The following PLA2G7 variants were observed in gnomAD, a reference collection of about 807,000 sequenced individuals.
PLA2G7 encodes the protein phospholipase A2 group VII.
A neutral mutation model predicts 49.6 loss-of-function variants in PLA2G7; 63 were observed. That is an observed-to-expected ratio of 1.27 (90% CI 1.04 to 1.57). PLA2G7 has a LOEUF of 1.57. Among genes scored for constraint, PLA2G7 ranks in the 40% most tolerant of loss-of-function variants. The probability of loss-of-function intolerance (pLI) is 0.00; values close to 1 mark genes in which losing one functional copy is unlikely to be tolerated. For synonymous variants in PLA2G7, 193 were observed against 169.9 expected (o/e 1.14, Z -1.06); for missense variants, 596 against 521.2 (o/e 1.14, Z -1.40).
intron 1 of PLA2G7, among the ~76,000 whole-genome samples, chr6:46,729,235 T>C (rs1209569605): frequency 6.6e-6 from 1 of 152,114 alleles, no homozygotes; most frequent in African/African-American, 2.4e-5. Context: ...AGTATTAAAC[T>C]GACATATATG....
intron 1 of PLA2G7, among the ~76,000 whole-genome samples, chr6:46,727,271 C>G (rs1765604195): frequency 1.3e-5 from 2 of 152,156 alleles, no homozygotes; most frequent in Admixed American, 6.5e-5. Context: ...CATCATTTCC[C>G]TTTTCGAAAC....
Position 46,716,981 on chromosome 6 carries a change from A to C in PLA2G7, c.225T>G (p.Thr75=). ...VGCTDLMFDH[T]NKGTFLRLYY... Reference sequence around the variant, plus strand: ...GTATAAATCAAAGCATTACCTTATTAGTGTGATCAAACATTAAGTCTGTAC... The same window carrying C: ...GTATAAATCAAAGCATTACCTTATTCGTGTGATCAAACATTAAGTCTGTAC... Residue 75 remains threonine (T), a synonymous_variant, in exon 3 of 12, where the codon ACT becomes ACG. Transcript: ENST00000274793. 6.2e-7 allele frequency: 1 copy of C among 1,613,318 alleles called. No homozygotes were observed. The highest frequency in any genetic ancestry group is 1.3e-5 in the African/African-American group (1 of 75,042).
chr6:46,714,071 T>C (rs1489341282), intron 5 of PLA2G7, among the ~76,000 whole-genome samples: 1 of 152,234 alleles, frequency 6.6e-6, no homozygotes, highest in Non-Finnish European at 1.5e-5. Flanking sequence ...TCTCCCCATC[T>C]TTTCCTGCTC....
intron 1 of PLA2G7, among the ~76,000 whole-genome samples, chr6:46,727,281 C>G (rs192286413): frequency 6.6e-6 from 1 of 152,166 alleles, no homozygotes; most frequent in Non-Finnish European, 1.5e-5. Context: ...CTTTTCGAAA[C>G]AAAAGACAAC....
chr6:46,704,484 A>T lies in PLA2G7; in HGVS notation c.*76T>A, dbSNP rs3997235. 2.4e-3 allele frequency: 496 copies of T among 210,682 alleles called. 3 individuals carry two copies. Among genetic ancestry groups the T allele is most frequent in the African/African-American group, 0.022 (353 of 16,220 alleles). 13.1% of individuals were successfully genotyped at this position (210,682 alleles called of 1,614,324 possible). A position where few individuals can be genotyped will look rare whatever the true frequency, so the allele number is the denominator to read the frequency against. Reference sequence around the variant, plus strand: ...CTCTCTCTCTCTCTCTCTCTCACACACACACACACACACACACACACACAC... The same window carrying T: ...CTCTCTCTCTCTCTCTCTCTCACACTCACACACACACACACACACACACAC... On this transcript the variant is annotated 3_prime_UTR_variant, in exon 12 of 12. Coordinates refer to ENST00000274793, the MANE Select transcript of PLA2G7 (RefSeq NM_005084.4).
At chr6:46,729,926 C>A (rs993645104) in intron 1 of PLA2G7, among the ~76,000 whole-genome samples, 1 of 152,194 alleles carries the variant, frequency 6.6e-6, no homozygotes, top group African/African-American at 2.4e-5. Flanking sequence ...AACAATCTAA[C>A]TGGAAAATAA....
chr6:46,718,187 T>C (rs2150703281), intron 2 of PLA2G7, among the ~76,000 whole-genome samples: 1 of 152,342 alleles, frequency 6.6e-6, no homozygotes, highest in South Asian at 2.1e-4. Context: ...AAATGCATCC[T>C]TTACACAGCT....
At position 46,722,808 on chromosome 6, in the gene PLA2G7, A is replaced by C; in HGVS notation, c.84T>G (p.Asn28Lys). The change falls in exon 2 of 12, where the codon AAT becomes AAG. Residue 28 changes from asparagine (N) to lysine (K), a missense_variant. Asn to Lys is a moderately conservative substitution (Grantham distance 94). Transcript: ENST00000274793. ...VVYPFDWQYI[N>K]PVAHMKSSAW... is the part of the protein sequence containing the mutation. ...CTGATGATTTCATATGGGCAACAGGATTTATGTATTGCCAGTCAAAAGGAT... is the reference window on the plus strand; with the variant it reads ...CTGATGATTTCATATGGGCAACAGGCTTTATGTATTGCCAGTCAAAAGGAT... 6.2e-7 allele frequency: 1 copy of C among 1,609,912 alleles called. No homozygotes were observed. The highest frequency in any genetic ancestry group is 8.5e-7 in the Non-Finnish European group (1 of 1,176,196).
In PLA2G7 at chr6:46,704,330, T is replaced by A. The variant is rs200357212; in HGVS notation, c.*230A>T. 1 of 521,168 alleles carries A rather than the reference T, an allele frequency of 1.9e-6. No individual in the cohort carries two copies. Among genetic ancestry groups the A allele is most frequent in the Non-Finnish European group, 3.5e-6 (1 of 289,176 alleles). 32.3% of individuals were successfully genotyped at this position (521,168 alleles called of 1,614,324 possible). On this transcript the variant is annotated 3_prime_UTR_variant, in exon 12 of 12. Coordinates refer to ENST00000274793, the MANE Select transcript of PLA2G7 (RefSeq NM_005084.4). ...TTAGGCTGATATGAATATTGTATACTGTATTCTTTCTTTACATCTAAAGGG... is the reference window on the plus strand; with the variant it reads ...TTAGGCTGATATGAATATTGTATACAGTATTCTTTCTTTACATCTAAAGGG...
At chr6:46,726,448 C>A (rs1275499789) in intron 1 of PLA2G7, among the ~76,000 whole-genome samples, 1 of 152,078 alleles carries the variant, frequency 6.6e-6, no homozygotes, top group Admixed American at 6.6e-5. Context: ...TTTTTCTCAA[C>A]CATGGGATAT....
intron 11 of PLA2G7, 67 bp downstream of exon 11, chr6:46,705,086 G>T: frequency 8.9e-7 from 1 of 1,126,364 alleles, no homozygotes; most frequent in Non-Finnish European, 1.4e-6. Context: ...TACTAAAGCT[G>T]TATTAAGATA....
intron 10 of PLA2G7, among the ~76,000 whole-genome samples, chr6:46,707,713 A>T (rs1362302973): frequency 6.6e-6 from 1 of 152,100 alleles, no homozygotes; most frequent in Non-Finnish European, 1.5e-5. Context: ...AGCCAATGAA[A>T]CCTCTTTTCT....
intron 5 of PLA2G7, among the ~76,000 whole-genome samples, chr6:46,714,142 G>C (rs956731423): frequency 2.0e-5 from 3 of 152,078 alleles, no homozygotes; most frequent in African/African-American, 7.2e-5. Flanking sequence ...ATCTAAAATT[G>C]GTTTCTCAAA....
rs75611996 is a variant in PLA2G7, at chr6:46,722,005, G to C, written c.109+778C>G. On this transcript the variant is annotated intron_variant, in intron 2 of 11. Transcript: ENST00000274793. ...ACTGCTCTCCATAGGAGACTGGAAAGAGAAGTTTATGCATCACAATCCTCT... is the reference window on the plus strand; with the variant it reads ...ACTGCTCTCCATAGGAGACTGGAAACAGAAGTTTATGCATCACAATCCTCT... 3.1e-3 allele frequency among the ~76,000 whole-genome samples: 472 copies of C among 152,260 alleles called. 2 individuals carry two copies. Among genetic ancestry groups the C allele is most frequent in the African/African-American group, 0.011 (446 of 41,538 alleles).
rs759730924 is a variant in PLA2G7 at position 46,722,799 on chromosome 6, G to A, written c.93C>T (p.Ala31=). The A allele has an allele frequency of 6.2e-7, 1 of 1,605,214 alleles. No homozygotes were observed. The change falls in exon 2 of 12, where the codon GCC becomes GCT. Residue 31 remains alanine (A), a synonymous_variant. Transcript: ENST00000274793. ...PFDWQYINPV[A]HMKSSAWVNK... is the part of the protein sequence containing the mutation. ...ACCTCTTACCTGATGATTTCATATG[G>A]GCAACAGGATTTATGTATTGCCAGT...
chr6:46,709,666 T>C (rs572548081), intron 8 of PLA2G7, among the ~76,000 whole-genome samples: 1 of 152,332 alleles, frequency 6.6e-6, no homozygotes, highest in Non-Finnish European at 1.5e-5. Flanking sequence ...TTAATGTTCT[T>C]TGTAGTCACC....
intron 1 of PLA2G7, among the ~76,000 whole-genome samples, chr6:46,725,686 T>C (rs1765549729): frequency 6.6e-6 from 1 of 152,206 alleles, no homozygotes; most frequent in South Asian, 2.1e-4. Flanking sequence ...TTAATTATAT[T>C]ATAAAGTTAA....
Position 46,733,796 on chromosome 6 carries a change from T to G in PLA2G7, c.-35+1384A>C, listed in dbSNP as rs45472697. Among the ~76,000 whole-genome samples the G allele has an allele frequency of 1.7e-3, 255 of 152,306 alleles. 1 individual carries two copies. Among genetic ancestry groups the G allele is most frequent in the African/African-American group, 5.8e-3 (241 of 41,566 alleles). On this transcript the variant is annotated intron_variant, in intron 1 of 11. Coordinates refer to ENST00000274793, the MANE Select transcript of PLA2G7 (RefSeq NM_005084.4). The stretch of plus-strand genomic sequence containing the variant: ...AATGCTCAGATCTCTGAATTCAATG[T>G]AAGCTCAAGGTTTCGTGCTGAGCCT...
rs371309208 is a variant in PLA2G7 at position 46,704,703 on chromosome 6, A to T, written c.1190-7T>A. ...TCAAAATCTTTATGAAGTCCTATAA[A>T]ATATAAAGTGTTAATCAACATATTA... is the stretch of plus-strand genomic sequence containing the variant. On this transcript the variant is annotated splice_polypyrimidine_tract_variant and splice_region_variant and intron_variant, in intron 11 of 11. Transcript: ENST00000274793. 9 of 1,530,018 alleles carry T rather than the reference A, an allele frequency of 5.9e-6. No homozygotes were observed. Among genetic ancestry groups the T allele is most frequent in the Non-Finnish European group, 8.1e-6 (9 of 1,107,334 alleles). 94.8% of individuals were successfully genotyped at this position (1,530,018 alleles called of 1,614,324 possible). A position where few individuals can be genotyped will look rare whatever the true frequency, so the allele number is the denominator to read the frequency against.
Sources: gnomAD v4.1 joint callset for allele counts (sites outside exome capture counted in the v4.1 genomes callset) on GRCh38, gnomAD v4.1.1 for gene constraint, MANE v1.5 for transcripts, NCBI Gene and HGNC (gene_info 2026-07-23, HGNC 2026-07-21) for gene names.